The following SEMA5A variants were observed in gnomAD, a reference collection of about 807,000 sequenced individuals.
SEMA5A encodes the protein semaphorin 5A.
SEMA5A carries 55 observed loss-of-function variants against 135.5 expected under a neutral mutation model. The observed-to-expected ratio is 0.41, with a 90% CI of 0.33 to 0.51. The LOEUF is 0.51. SEMA5A is among the 20% of genes least tolerant of loss of function. SEMA5A has a pLI of 0.37. For missense variants in SEMA5A, 1,290 were observed against 1,419.9 expected (o/e 0.91, Z 1.47); for synonymous variants, 580 against 546.5 (o/e 1.06, Z -0.85).
intron 16 of SEMA5A, among the ~76,000 whole-genome samples, chr5:9,093,710 C>A (rs1385570288): frequency 1.3e-5 from 2 of 151,334 alleles, no homozygotes; most frequent in Non-Finnish European, 2.9e-5. Flanking sequence ...AACAAAAAAA[C>A]AAAACAAAAA....
intron 4 of SEMA5A, among the ~76,000 whole-genome samples, chr5:9,330,259 G>A (rs1022339098): frequency 4.0e-5 from 6 of 151,858 alleles, no homozygotes; most frequent in African/African-American, 1.2e-4. Flanking sequence ...GCGTGGTAGC[G>A]GGCGCCTGTA....
intron 5 of SEMA5A, among the ~76,000 whole-genome samples, chr5:9,258,667 G>C (rs1749214992): frequency 6.6e-6 from 1 of 152,074 alleles, no homozygotes; most frequent in Admixed American, 6.6e-5. Context: ...AATAAAAATA[G>C]CAACCTCAAA....
intron 1 of SEMA5A, among the ~76,000 whole-genome samples, chr5:9,493,184 T>A (rs1316712133): frequency 6.6e-6 from 1 of 151,808 alleles, no homozygotes; most frequent in Non-Finnish European, 1.5e-5. Context: ...GCTCTAAAAA[T>A]AAAGCCTAAC....
chr5:9,139,108 A>G (rs540134610), intron 12 of SEMA5A, among the ~76,000 whole-genome samples: 8 of 152,304 alleles, frequency 5.3e-5, no homozygotes, highest in Admixed American at 2.6e-4. Context: ...CACCAGATAG[A>G]TACCCAGTAG....
chr5:9,529,066 C>G (rs192568760), intron 1 of SEMA5A, among the ~76,000 whole-genome samples: 12 of 152,304 alleles, frequency 7.9e-5, no homozygotes, highest in African/African-American at 2.9e-4. Flanking sequence ...TATTCTGAAC[C>G]CATGGTAGCA....
chr5:9,109,567 T>A (rs549598077), intron 15 of SEMA5A, among the ~76,000 whole-genome samples: 27 of 152,276 alleles, frequency 1.8e-4, no homozygotes, highest in African/African-American at 6.0e-4. Context: ...AATGCACAAC[T>A]TTTTCTCATG....
intron 5 of SEMA5A, among the ~76,000 whole-genome samples, chr5:9,270,036 T>C (rs540524804): frequency 6.6e-6 from 1 of 152,230 alleles, no homozygotes; most frequent in South Asian, 2.1e-4. Flanking sequence ...TCACTGTGCC[T>C]CAATTATTAA....
intron 11 of SEMA5A, among the ~76,000 whole-genome samples, chr5:9,164,558 C>T (rs963796027): frequency 2.6e-5 from 4 of 151,928 alleles, no homozygotes; most frequent in African/African-American, 7.2e-5. Context: ...TTTCACATAA[C>T]CACCTTTATA....
chr5:9,376,501 C>G (rs1368862082), intron 3 of SEMA5A, among the ~76,000 whole-genome samples: 1 of 152,182 alleles, frequency 6.6e-6, no homozygotes, highest in Non-Finnish European at 1.5e-5. Context: ...GGCTTAGAGC[C>G]CCTCTCCTAG....
chr5:9,036,091 A>C lies in SEMA5A; in HGVS notation c.*6806T>G, dbSNP rs2150007213. 6.6e-6 allele frequency: 1 copy of C among 152,290 alleles called. No homozygotes were observed. Among genetic ancestry groups the C allele is most frequent in the Non-Finnish European group, 1.5e-5 (1 of 68,026 alleles). The allele number at this position is 152,290 out of a possible 1,614,324, so 9.4% of individuals were successfully genotyped here. A position where few individuals can be genotyped will look rare whatever the true frequency, so the allele number is the denominator to read the frequency against. ...GTTACATCAAGCGGCATAGCACAAA[A>C]GTTTTGCTATGCACTTTTGAAGAAT... On this transcript the variant is annotated 3_prime_UTR_variant, in exon 23 of 23. Transcript: ENST00000382496.
intron 16 of SEMA5A, among the ~76,000 whole-genome samples, chr5:9,076,883 T>C (rs1169912468): frequency 7.3e-6 from 1 of 137,312 alleles, no homozygotes; most frequent in African/African-American, 2.5e-5. Context: ...TGTGTGTGTG[T>C]GTGTGTGTGT....
rs557611813 is a variant in SEMA5A at position 9,285,389 on chromosome 5, C to A, written c.270+32983G>T. Reference sequence around the variant, plus strand: ...TCACTGGGCCGTGAACCCGCCAAGACAGTGGCCTTTGAGTCAGTTTGAAAG... The same window carrying A: ...TCACTGGGCCGTGAACCCGCCAAGAAAGTGGCCTTTGAGTCAGTTTGAAAG... On this transcript the variant is annotated intron_variant, in intron 5 of 22. Transcript: ENST00000382496. Among the ~76,000 whole-genome samples, 22 of 152,306 alleles carry A rather than the reference C, an allele frequency of 1.4e-4. 1 individual carries two copies. The highest frequency in any genetic ancestry group is 3.3e-4 in the Admixed American group (5 of 15,298).
intron 2 of SEMA5A, among the ~76,000 whole-genome samples, chr5:9,417,459 A>T (rs1486567954): frequency 1.3e-5 from 2 of 152,214 alleles, no homozygotes; most frequent in Admixed American, 6.5e-5. Context: ...TCAACTATCC[A>T]TATCTTTTGA....
chr5:9,040,492 TA>T lies in SEMA5A; in HGVS notation c.*2404del, dbSNP rs1735901614. ...CAAACACAACTTATTCCACAGCTGG[TA>T]AAATACTTAGAATATATCTGAAATT... On this transcript the variant is annotated 3_prime_UTR_variant, in exon 23 of 23. Coordinates refer to ENST00000382496, the MANE Select transcript of SEMA5A (RefSeq NM_003966.3). 6.6e-6 allele frequency: 1 copy of T among 152,250 alleles called. No homozygotes were observed. Among genetic ancestry groups the T allele is most frequent in the Non-Finnish European group, 1.5e-5 (1 of 68,054 alleles). The allele number at this position is 152,250 out of a possible 1,614,324, so 9.4% of individuals were successfully genotyped here. A position where few individuals can be genotyped will look rare whatever the true frequency, so the allele number is the denominator to read the frequency against.
rs749754248 is a variant in SEMA5A, at chr5:9,044,324, A to G, written c.3105+49T>C. 6 of 1,472,274 alleles carry G rather than the reference A, an allele frequency of 4.1e-6. No individual in the cohort carries two copies. The South Asian group carries it at 6.8e-5, about 17-fold the overall frequency. The allele number at this position is 1,472,274 out of a possible 1,614,324, so 91.2% of individuals were successfully genotyped here. On this transcript the variant is annotated intron_variant, in intron 22 of 22. Transcript: ENST00000382496. ...AAAGGGCATCAAAATACTCCCTACAAGTGTTAAGGAAAACCAGGCACTTAG... is the reference window on the plus strand; with the variant it reads ...AAAGGGCATCAAAATACTCCCTACAGGTGTTAAGGAAAACCAGGCACTTAG...
At chr5:9,319,909 A>C (rs143714020) in intron 4 of SEMA5A, among the ~76,000 whole-genome samples, 1 of 152,242 alleles carries the variant, frequency 6.6e-6, no homozygotes, top group African/African-American at 2.4e-5. Context: ...GCCCAAGGGC[A>C]TAGCCTTGAG....
chr5:9,086,049 A>G (rs1738666215), intron 16 of SEMA5A, among the ~76,000 whole-genome samples: 1 of 152,260 alleles, frequency 6.6e-6, no homozygotes, highest in Admixed American at 6.5e-5. Context: ...TGTTTTGGCC[A>G]ATTTCTCCCA....
At chr5:9,234,369 T>C (rs543113453) in intron 6 of SEMA5A, among the ~76,000 whole-genome samples, 2 of 152,190 alleles carry the variant, frequency 1.3e-5, no homozygotes, top group African/African-American at 2.4e-5. Context: ...TCAGTTACTA[T>C]GTTAAGAAAG....
chr5:9,486,607 G>A (rs36086793), intron 1 of SEMA5A, among the ~76,000 whole-genome samples: 6,312 of 151,922 alleles, frequency 0.042, 137 homozygotes, highest in Middle Eastern at 0.071. Context: ...AGTTCTAGAG[G>A]GGAAGAACAA....
Sources: gnomAD v4.1 joint callset for allele counts (sites outside exome capture counted in the v4.1 genomes callset) on GRCh38, gnomAD v4.1.1 for gene constraint, MANE v1.5 for transcripts, NCBI Gene and HGNC (gene_info 2026-07-23, HGNC 2026-07-21) for gene names.